The following MOV10L1 variants were observed in gnomAD, a reference collection of about 807,000 sequenced individuals.
MOV10L1 encodes Mov10 like RNA helicase 1, also known as RNA helicase Mov10l1.
MOV10L1 carries 110 observed loss-of-function variants against 143.8 expected under a neutral mutation model. That is an observed-to-expected ratio of 0.76 (90% CI 0.66 to 0.90). MOV10L1 has a LOEUF of 0.90. Ranked by LOEUF, MOV10L1 falls within the 40% of genes least tolerant of loss-of-function variation. The pLI, the probability that MOV10L1 is intolerant of heterozygous loss-of-function variation, is 0.00. For missense variants in MOV10L1, 1,406 were observed against 1,526.8 expected, an observed-to-expected ratio of 0.92 and a Z score of 1.32; for synonymous variants, 593 against 581.1, an observed-to-expected ratio of 1.02 and a Z score of -0.29.
rs1456249151 is a variant in MOV10L1, at chr22:50,161,638, C to A, written c.*189C>A. The A allele has an allele frequency of 3.6e-6, 2 of 560,314 alleles. No individual in the cohort carries two copies. The highest frequency in any genetic ancestry group is 6.2e-6 in the Non-Finnish European group (2 of 321,166). 34.7% of individuals were successfully genotyped at this position (560,314 alleles called of 1,614,324 possible). ...GGCATATGCCAGCCTGTTCCTGCCA[C>A]AGGGCAGTCACTGCCGCCTACCCTG... On this transcript the variant is annotated 3_prime_UTR_variant, in exon 27 of 27. Transcript: ENST00000262794.
intron 15 of MOV10L1, among the ~76,000 whole-genome samples, chr22:50,135,870 G>A (rs1051890293): frequency 7.2e-5 from 11 of 152,060 alleles, no homozygotes; most frequent in African/African-American, 2.7e-4. Flanking sequence ...AATAGAAGTG[G>A]TTTTATTTAT....
intron 19 of MOV10L1, chr22:50,147,142 A>G: frequency 6.3e-7 from 1 of 1,590,256 alleles, no homozygotes; most frequent in Non-Finnish European, 8.6e-7. Context: ...CCTGGAGCTG[A>G]TGTTCAGGTA....
rs1386280294 is a variant in MOV10L1 at position 50,145,818 on chromosome 22, C to G, written c.2627+8C>G. The G allele has an allele frequency of 1.2e-6, 2 of 1,613,444 alleles. No individual in the cohort carries two copies. The highest frequency in any genetic ancestry group is 1.7e-6 in the Non-Finnish European group (2 of 1,179,912). On this transcript the variant is annotated splice_region_variant and intron_variant, in intron 19 of 26. Coordinates refer to ENST00000262794, the MANE Select transcript of MOV10L1 (RefSeq NM_018995.3). ...TTACCAAATAGGAGTGAGGTGAGCC[C>G]CGGGCATGGAGCGCGGCATGGGGCC...
At chr22:50,146,825 A>G (rs976661195) in intron 19 of MOV10L1, 2 of 476,040 alleles carry the variant, frequency 4.2e-6, no homozygotes. Flanking sequence ...TCTCACATAC[A>G]TGATGTCCTT....
Position 50,126,285 on chromosome 22 carries a change from TC to T in MOV10L1, c.1818+14del, listed in dbSNP as rs763822976. 6.3e-7 allele frequency: 1 copy of T among 1,598,010 alleles called. No individual in the cohort carries two copies. Among genetic ancestry groups the T allele is most frequent in the Non-Finnish European group, 8.6e-7 (1 of 1,165,652 alleles). On this transcript the variant is annotated intron_variant, in intron 12 of 26. Transcript: ENST00000262794. Reference sequence around the variant, plus strand: ...CTACGTGACTGAGGTGAGAGCACTCTCTCTTAATGAGTTTGTGTTAGACACA... The same window carrying T: ...CTACGTGACTGAGGTGAGAGCACTCTTCTTAATGAGTTTGTGTTAGACACA...
intron 2 of MOV10L1, chr22:50,095,895 A>G (rs970330670): frequency 3.3e-5 from 5 of 152,130 alleles, no homozygotes; most frequent in Non-Finnish European, 5.9e-5. Context: ...TATCTTCCAA[A>G]TGATCCCATA....
At position 50,159,651 on chromosome 22, in the gene MOV10L1, T is replaced by A; in HGVS notation, c.3217-27T>A. 7.1e-7 allele frequency: 1 copy of A among 1,413,602 alleles called. No individual in the cohort carries two copies. Among genetic ancestry groups the A allele is most frequent in the East Asian group, 2.3e-5 (1 of 43,668 alleles). The allele number at this position is 1,413,602 out of a possible 1,614,324, so 87.6% of individuals were successfully genotyped here. On this transcript the variant is annotated intron_variant, in intron 23 of 26. Coordinates refer to ENST00000262794, the MANE Select transcript of MOV10L1 (RefSeq NM_018995.3). The surrounding 1 kb of genome is among the most constrained non-coding windows in gnomAD (Gnocchi z 4.1). ...AAATGGATTTGTACAGTGTTATCTT[T>A]AGTCTTTCTTTTAATCTGTTCTCAA...
Position 50,145,585 on chromosome 22 carries a change from A to G in MOV10L1, c.2506-104A>G. The G allele has an allele frequency of 4.2e-6, 6 of 1,444,776 alleles. No individual in the cohort carries two copies. In the South Asian group the frequency reaches 7.4e-5, roughly 18 times the overall value. The allele number at this position is 1,444,776 out of a possible 1,614,324, so 89.5% of individuals were successfully genotyped here. On this transcript the variant is annotated intron_variant, in intron 18 of 26. Transcript: ENST00000262794. ...TATTTTGAGAAAAAAACCTTAAATC[A>G]TGACTTAGACGTAACTAAGAAGTGG...
intron 5 of MOV10L1, among the ~76,000 whole-genome samples, chr22:50,113,383 G>A (rs1452616014): frequency 6.6e-6 from 1 of 152,174 alleles, no homozygotes; most frequent in Non-Finnish European, 1.5e-5. Flanking sequence ...GGGAGTGCTG[G>A]GGAGCACGTT....
rs1340942052 is a variant in MOV10L1 at position 50,126,220 on chromosome 22, A to C, written c.1766A>C (p.Lys589Thr). ...TAACTAGGTGATAAACTGATTTTAA[A>C]AACTCAAGAGTACAATGGACATGCC... The part of the protein sequence containing the change: ...SLYAGDKLIL[K>T]TQEYNGHAIE... Residue 589 changes from lysine (K) to threonine (T), a missense_variant, in exon 12 of 27, where the codon AAA becomes ACA. Physicochemically the swap from Lys to Thr is moderately conservative, Grantham distance 78. This residue lies in a region of MOV10L1 where 1,233 missense variants were observed against 1,351.4 expected (regional missense o/e 0.91). Transcript: ENST00000262794. 1 of 1,610,944 alleles carries C rather than the reference A, an allele frequency of 6.2e-7. No individual in the cohort carries two copies. Among genetic ancestry groups the C allele is most frequent in the South Asian group, 1.1e-5 (1 of 90,958 alleles).
At chr22:50,101,289 T>G (rs1025467497) in intron 3 of MOV10L1, among the ~76,000 whole-genome samples, 2 of 152,268 alleles carry the variant, frequency 1.3e-5, no homozygotes, top group African/African-American at 2.4e-5. Flanking sequence ...AATCTTGGCT[T>G]ACTTCAAGCT....
chr22:50,114,266 T>C (rs1424748451), intron 6 of MOV10L1, 115 bp from the exon 7 acceptor site: 2 of 1,253,838 alleles, frequency 1.6e-6, no homozygotes, highest in Non-Finnish European at 2.2e-6. Flanking sequence ...TTGACTTATA[T>C]TCATAAGTGT....
intron 19 of MOV10L1, chr22:50,147,196 CACTCT>C (rs2063176543): frequency 7.1e-7 from 1 of 1,405,268 alleles, no homozygotes; most frequent in South Asian, 1.2e-5. Flanking sequence ...CTCTCAGAGG[CACTCT>C]GTGCAGAAGC....
intron 10 of MOV10L1, among the ~76,000 whole-genome samples, chr22:50,122,990 A>G (rs929743759): frequency 6.6e-6 from 1 of 151,866 alleles, no homozygotes; most frequent in Non-Finnish European, 1.5e-5. Flanking sequence ...GAGCCACCAC[A>G]CCCAGCCTGA....
intron 19 of MOV10L1, chr22:50,147,260 A>T (rs370647818): frequency 6.0e-5 from 31 of 513,554 alleles, no homozygotes; most frequent in East Asian, 4.3e-4. Flanking sequence ...GTGCAGAAGC[A>T]GGGAGGGTGC....
At chr22:50,107,067 C>T (rs569713702) in intron 3 of MOV10L1, among the ~76,000 whole-genome samples, 126 of 150,786 alleles carry the variant, frequency 8.4e-4, no homozygotes, top group Non-Finnish European at 1.4e-3. Flanking sequence ...TTAGTGTCTT[C>T]TGTTTTCTTT....
At chr22:50,090,340 C>T in intron 1 of MOV10L1, 155 bp downstream of exon 1, 1 of 1,502,994 alleles carries the variant, frequency 6.7e-7, no homozygotes. Context: ...CCCCGTTCGC[C>T]TCAGGAGGCT....
At chr22:50,113,839 C>T (rs1451833835) in intron 6 of MOV10L1, 51 bp downstream of exon 6, 6 of 1,381,438 alleles carry the variant, frequency 4.3e-6, no homozygotes, top group Non-Finnish European at 5.7e-6. Flanking sequence ...ATGGCTTTTA[C>T]ACTATGACTC....
chr22:50,141,946 G>T, intron 15 of MOV10L1, 135 bp from the exon 16 acceptor site: 1 of 496,828 alleles, frequency 2.0e-6, no homozygotes, highest in Non-Finnish European at 3.4e-6. Context: ...CAAAGGGTCT[G>T]ACCTGTGATC....
Sources: allele counts gnomAD v4.1 joint callset (sites outside exome capture counted in the v4.1 genomes callset), GRCh38; gene constraint gnomAD v4.1.1; regional missense constraint gnomAD v4.1.1; non-coding constraint Gnocchi (gnomAD v3.1); transcripts MANE v1.5; gene names NCBI Gene and HGNC (gene_info 2026-07-23, HGNC 2026-07-21).